The following KCNK13 variants were observed in gnomAD, a reference collection of about 807,000 sequenced individuals.
KCNK13 encodes the protein potassium channel subfamily K member 13.
A neutral mutation model predicts 23.4 loss-of-function variants in KCNK13; 12 were observed. The observed-to-expected ratio is 0.51, with a 90% CI of 0.33 to 0.83. KCNK13 has a LOEUF of 0.83. KCNK13 is among the 40% of genes least tolerant of loss of function. KCNK13 has a pLI of 0.02. For synonymous variants in KCNK13, 231 were observed against 229.5 expected, an observed-to-expected ratio of 1.01 and a Z score of -0.06; for missense variants, 463 against 556.3, an observed-to-expected ratio of 0.83 and a Z score of 1.69.
chr14:90,126,170 A>G (rs1203445598), intron 1 of KCNK13, among the ~76,000 whole-genome samples: 1 of 152,206 alleles, frequency 6.6e-6, no homozygotes, highest in Non-Finnish European at 1.5e-5. Context: ...AATAAATGGA[A>G]TAGAAACAAA....
intron 1 of KCNK13, among the ~76,000 whole-genome samples, chr14:90,178,417 G>T (rs1890448615): frequency 6.6e-6 from 1 of 151,826 alleles, no homozygotes; most frequent in African/African-American, 2.4e-5. Context: ...TCAGCCTCCG[G>T]AGTAGCTGGG....
chr14:90,163,550 C>T (rs774644796), intron 1 of KCNK13, among the ~76,000 whole-genome samples: 5 of 152,184 alleles, frequency 3.3e-5, no homozygotes, highest in South Asian at 2.1e-4. Context: ...GCCACCAAGT[C>T]GGACCCCACT....
chr14:90,077,600 C>A (rs1889155474), intron 1 of KCNK13, among the ~76,000 whole-genome samples: 1 of 152,130 alleles, frequency 6.6e-6, no homozygotes, highest in Non-Finnish European at 1.5e-5. Flanking sequence ...GATTCTCTAC[C>A]AGCTCACTAA....
intron 1 of KCNK13, among the ~76,000 whole-genome samples, chr14:90,144,747 C>T (rs373173348): frequency 3.4e-4 from 52 of 152,156 alleles, no homozygotes; most frequent in African/African-American, 1.2e-3. Flanking sequence ...GCTTGAACCA[C>T]CATGCCTGGC....
At chr14:90,126,630 G>A (rs888512133) in intron 1 of KCNK13, among the ~76,000 whole-genome samples, 11 of 151,940 alleles carry the variant, frequency 7.2e-5, no homozygotes, top group Non-Finnish European at 1.3e-4. Flanking sequence ...TGCAACCTCC[G>A]CCTCCTGGGT....
chr14:90,073,088 C>A (rs1188638634), intron 1 of KCNK13, among the ~76,000 whole-genome samples: 1 of 152,138 alleles, frequency 6.6e-6, no homozygotes. Flanking sequence ...TCTGAACCAC[C>A]ACTTCTTTGC....
At chr14:90,114,590 C>T (rs1229142727) in intron 1 of KCNK13, among the ~76,000 whole-genome samples, 1 of 152,188 alleles carries the variant, frequency 6.6e-6, no homozygotes, top group Non-Finnish European at 1.5e-5. Flanking sequence ...TTCTCAGGAC[C>T]ACGGAGGTCA....
At chr14:90,163,764 A>T (rs1048360664) in intron 1 of KCNK13, among the ~76,000 whole-genome samples, 31 of 152,160 alleles carry the variant, frequency 2.0e-4, no homozygotes, top group Non-Finnish European at 3.5e-4. Flanking sequence ...ATCTCGGCTC[A>T]CTGCAGCCTC....
chr14:90,103,688 G>A (rs956346042), intron 1 of KCNK13, among the ~76,000 whole-genome samples: 10 of 151,928 alleles, frequency 6.6e-5, no homozygotes, highest in East Asian at 1.9e-4. Context: ...TCAGCCTCCC[G>A]AGTAGCTGGG....
chr14:90,117,446 C>T (rs1225769917), intron 1 of KCNK13, among the ~76,000 whole-genome samples: 1 of 152,008 alleles, frequency 6.6e-6, no homozygotes, highest in Non-Finnish European at 1.5e-5. Flanking sequence ...AAAAATTAGC[C>T]AGGCGTGGTG....
chr14:90,076,399 G>A (rs1479932407), intron 1 of KCNK13, among the ~76,000 whole-genome samples: 2 of 152,184 alleles, frequency 1.3e-5, no homozygotes, highest in Non-Finnish European at 2.9e-5. Context: ...AACAGAAATT[G>A]TAAGCACTAT....
At chr14:90,156,386 G>A (rs560669839) in intron 1 of KCNK13, among the ~76,000 whole-genome samples, 9 of 152,112 alleles carry the variant, frequency 5.9e-5, no homozygotes, top group African/African-American at 1.9e-4. Flanking sequence ...GACTGAGAAC[G>A]AGAAGACAGT....
At chr14:90,183,674 A>G (rs530364383) in intron 1 of KCNK13, among the ~76,000 whole-genome samples, 1 of 152,294 alleles carries the variant, frequency 6.6e-6, no homozygotes, top group South Asian at 2.1e-4. Context: ...TGCAGAATAA[A>G]TGAATTCTGA....
chr14:90,073,288 G>A (rs1889097636), intron 1 of KCNK13, among the ~76,000 whole-genome samples: 3 of 152,128 alleles, frequency 2.0e-5, no homozygotes, highest in Non-Finnish European at 4.4e-5. Context: ...TTTGGGTAGC[G>A]TGCTGCCTAC....
chr14:90,154,024 A>C lies in KCNK13; in HGVS notation c.335-30087A>C, dbSNP rs61996879. Among the ~76,000 whole-genome samples the C allele has an allele frequency of 8.2e-3, 1,250 of 152,266 alleles. 5 individuals are homozygous for C. The highest frequency in any genetic ancestry group is 0.011 in the Non-Finnish European group (781 of 68,014). On this transcript the variant is annotated intron_variant, in intron 1 of 1. Coordinates refer to ENST00000282146, the MANE Select transcript of KCNK13 (RefSeq NM_022054.4). ...GGACTCAGCCTCTTATCTGGTCTGCATCTCTGATTGGCCCTATGCTCTGAC... is the reference window on the plus strand; with the variant it reads ...GGACTCAGCCTCTTATCTGGTCTGCCTCTCTGATTGGCCCTATGCTCTGAC...
rs1888960783 is a variant in KCNK13, at chr14:90,062,717, C to T, written c.334+178C>T. ...GCCTCCCCGCTGCTCTAATGTGGTCCAGGCACCGGCAGCTTCAGCGTCACC... is the reference window on the plus strand; with the variant it reads ...GCCTCCCCGCTGCTCTAATGTGGTCTAGGCACCGGCAGCTTCAGCGTCACC... On this transcript the variant is annotated intron_variant, in intron 1 of 1. Coordinates refer to ENST00000282146, the MANE Select transcript of KCNK13 (RefSeq NM_022054.4). The surrounding 1 kb of genome is among the most constrained non-coding windows in gnomAD (Gnocchi z 4.5). Among the ~76,000 whole-genome samples the T allele has an allele frequency of 6.6e-6, 1 of 152,154 alleles. No individual in the cohort carries two copies. The highest frequency in any genetic ancestry group is 2.1e-4 in the South Asian group (1 of 4,820).
intron 1 of KCNK13, among the ~76,000 whole-genome samples, chr14:90,063,108 G>A (rs1888965336): frequency 6.6e-6 from 1 of 152,154 alleles, no homozygotes. Flanking sequence ...AACCAGGGAA[G>A]TGACCTTTGG....
intron 1 of KCNK13, among the ~76,000 whole-genome samples, chr14:90,085,659 C>CA (rs548264060): frequency 5.4e-5 from 7 of 129,436 alleles, no homozygotes; most frequent in African/African-American, 1.4e-4. Context: ...GACTCTGTCT[C>CA]AAAAAAAAAT....
intron 1 of KCNK13, among the ~76,000 whole-genome samples, chr14:90,143,167 C>CTT (rs775196755): frequency 3.8e-4 from 3 of 7,846 alleles, no homozygotes; most frequent in Admixed American, 5.3e-3. Flanking sequence ...TTCTTTCTTT[C>CTT]TTTCTTTCTT....
Sources: allele counts gnomAD v4.1 joint callset (sites outside exome capture counted in the v4.1 genomes callset), GRCh38; gene constraint gnomAD v4.1.1; non-coding constraint Gnocchi (gnomAD v3.1); transcripts MANE v1.5; gene names NCBI Gene and HGNC (gene_info 2026-07-23, HGNC 2026-07-21).